Variants in GLIPR1L1 observed in about 807,000 individuals in gnomAD.
The protein encoded by GLIPR1L1 is GLIPR1 like 1.
GLIPR1L1 carries 26 observed loss-of-function variants against 29.9 expected under a neutral mutation model. The observed-to-expected ratio is 0.87, with a 90% CI of 0.64 to 1.21. The LOEUF (loss-of-function observed/expected upper bound fraction) is 1.21, where lower values mean the gene tolerates loss of function less well. Among genes scored for constraint, GLIPR1L1 ranks in the 50% most tolerant of loss-of-function variants. The pLI, the probability that GLIPR1L1 is intolerant of heterozygous loss-of-function variation, is 0.00. For synonymous variants in GLIPR1L1, 77 were observed against 97.5 expected (o/e 0.79, Z 1.24); for missense variants, 305 against 290.3 (o/e 1.05, Z -0.37).
chr12:75,355,383 T>TTGG, intron 3 of GLIPR1L1, among the ~76,000 whole-genome samples: 1 of 152,136 alleles, frequency 6.6e-6, no homozygotes, highest in African/African-American at 2.4e-5. Flanking sequence ...CTCAACATCA[T>TTGG]TGGTCATTAG....
intron 3 of GLIPR1L1, among the ~76,000 whole-genome samples, chr12:75,358,411 C>A (rs1237609471): frequency 2.6e-5 from 4 of 151,640 alleles, no homozygotes. Context: ...GAATGCAGGT[C>A]TCATTTTACA....
intron 3 of GLIPR1L1, among the ~76,000 whole-genome samples, chr12:75,352,045 C>CA (rs1322049792): frequency 2.8e-4 from 42 of 152,192 alleles, no homozygotes; most frequent in Admixed American, 1.1e-3. Context: ...CCAGTCACTA[C>CA]AAAAAACATG....
intron 1 of GLIPR1L1, among the ~76,000 whole-genome samples, chr12:75,339,025 C>A (rs529359287): frequency 6.6e-6 from 1 of 152,244 alleles, no homozygotes; most frequent in South Asian, 2.1e-4. Flanking sequence ...TGGGTTGATT[C>A]TATGTCTTTG....
chr12:75,353,816 A>G (rs181648368), intron 3 of GLIPR1L1, among the ~76,000 whole-genome samples: 1 of 152,308 alleles, frequency 6.6e-6, no homozygotes, highest in East Asian at 1.9e-4. Context: ...CTTCATCCCC[A>G]GGATGCAAGT....
chr12:75,342,835 TA>T (rs2042206504), intron 1 of GLIPR1L1, among the ~76,000 whole-genome samples: 1 of 152,124 alleles, frequency 6.6e-6, no homozygotes, highest in South Asian at 2.1e-4. Context: ...TTAAGTCTTT[TA>T]CAACTTCTTT....
At chr12:75,355,162 CA>C (rs1353894761) in intron 3 of GLIPR1L1, among the ~76,000 whole-genome samples, 2 of 152,102 alleles carry the variant, frequency 1.3e-5, no homozygotes, top group African/African-American at 4.8e-5. Flanking sequence ...TTCTACACAG[CA>C]AAAGAAACTA....
At position 75,338,620 on chromosome 12, in the gene GLIPR1L1, T is replaced by C. The variant is rs143510022; in HGVS notation, c.174+3718T>C. On this transcript the variant is annotated intron_variant, in intron 1 of 5. Coordinates refer to ENST00000378695, the MANE Select transcript of GLIPR1L1 (RefSeq NM_001304964.2). ...TTTTTTCAGTTTTTAAGTTCTGGGGTACATGTGCAGGATGTGCAGGTTTGT... is the reference window on the plus strand; with the variant it reads ...TTTTTTCAGTTTTTAAGTTCTGGGGCACATGTGCAGGATGTGCAGGTTTGT... Among the ~76,000 whole-genome samples the C allele has an allele frequency of 4.1e-3, 621 of 152,032 alleles. 2 individuals are homozygous for C. Among genetic ancestry groups the C allele is most frequent in the African/African-American group, 0.014 (595 of 41,434 alleles).
At chr12:75,356,945 A>T (rs531206026) in intron 3 of GLIPR1L1, among the ~76,000 whole-genome samples, 1 of 152,240 alleles carries the variant, frequency 6.6e-6, no homozygotes, top group East Asian at 1.9e-4. Flanking sequence ...CCAACAACTC[A>T]AGAGGCTGAT....
chr12:75,359,355 G>GTT (rs1463566931), intron 3 of GLIPR1L1, among the ~76,000 whole-genome samples: 9 of 46,428 alleles, frequency 1.9e-4, no homozygotes, highest in Non-Finnish European at 3.4e-4. Context: ...CAGCATTGTT[G>GTT]TCTTTTTTTT....
intron 3 of GLIPR1L1, among the ~76,000 whole-genome samples, chr12:75,359,680 C>T (rs1357754214): frequency 6.6e-6 from 1 of 152,008 alleles, no homozygotes; most frequent in Non-Finnish European, 1.5e-5. Context: ...TAGACTCACA[C>T]ATTGTTGACC....
At chr12:75,342,439 A>G (rs1447557317) in intron 1 of GLIPR1L1, among the ~76,000 whole-genome samples, 1 of 152,204 alleles carries the variant, frequency 6.6e-6, no homozygotes, top group East Asian at 1.9e-4. Flanking sequence ...TGAATTTATA[A>G]TTAGTTAAAA....
intron 3 of GLIPR1L1, among the ~76,000 whole-genome samples, chr12:75,351,809 A>G (rs2042834340): frequency 6.6e-6 from 1 of 152,206 alleles, no homozygotes; most frequent in African/African-American, 2.4e-5. Context: ...GGCCTCCCAA[A>G]GTGCTGGGAT....
chr12:75,357,430 T>C (rs2043224378), intron 3 of GLIPR1L1, among the ~76,000 whole-genome samples: 1 of 152,124 alleles, frequency 6.6e-6, no homozygotes, highest in Non-Finnish European at 1.5e-5. Flanking sequence ...GGTATTTCAA[T>C]TATCCCATTT....
chr12:75,363,308 A>G, intron 4 of GLIPR1L1, 118 bp downstream of exon 4: 1 of 425,988 alleles, frequency 2.3e-6, no homozygotes, highest in African/African-American at 2.1e-5. Context: ...GACTGTTGTT[A>G]TCTTACGATA....
chr12:75,349,587 T>C (rs1456961609), intron 3 of GLIPR1L1, among the ~76,000 whole-genome samples: 1 of 152,200 alleles, frequency 6.6e-6, no homozygotes, highest in Non-Finnish European at 1.5e-5. Context: ...TTATTATAAC[T>C]GTACTCTATA....
In GLIPR1L1 at chr12:75,355,965, C is replaced by T. The variant is rs1247883090; in HGVS notation, c.522-7137C>T. On this transcript the variant is annotated intron_variant, in intron 3 of 5. Transcript: ENST00000378695. ...GCCACACAAAGGGTAACAACACACACTGGGGCCTGTTGGGGGTAGGGTGGG... is the reference window on the plus strand; with the variant it reads ...GCCACACAAAGGGTAACAACACACATTGGGGCCTGTTGGGGGTAGGGTGGG... Among the ~76,000 whole-genome samples, 3 of 152,056 alleles carry T rather than the reference C, an allele frequency of 2.0e-5. No individual in the cohort carries two copies. In the East Asian group the frequency reaches 5.8e-4, roughly 29 times the overall value.
In GLIPR1L1 at chr12:75,370,416, A is replaced by G; in HGVS notation, c.*240A>G. On this transcript the variant is annotated 3_prime_UTR_variant, in exon 6 of 6. Coordinates refer to ENST00000378695, the MANE Select transcript of GLIPR1L1 (RefSeq NM_001304964.2). ...TCCATATGTGTATCAAAAGTGTTCC[A>G]CTCTTTAATTTTCTAATGAGAATGG... 1 of 310,780 alleles carries G rather than the reference A, an allele frequency of 3.2e-6. No individual in the cohort carries two copies. The highest frequency in any genetic ancestry group is 8.8e-5 in the South Asian group (1 of 11,386). The allele number at this position is 310,780 out of a possible 1,614,324, so 19.3% of individuals were successfully genotyped here.
intron 3 of GLIPR1L1, among the ~76,000 whole-genome samples, chr12:75,358,934 G>C (rs1342132662): frequency 1.4e-5 from 2 of 144,614 alleles, no homozygotes; most frequent in Admixed American, 1.4e-4. Context: ...GCATAAAACA[G>C]ATAAATATAT....
chr12:75,343,743 C>CA lies in GLIPR1L1; in HGVS notation c.228dup (p.Phe77IlefsTer2). 6.2e-7 allele frequency: 1 copy of CA among 1,612,094 alleles called. No homozygotes were observed. Among genetic ancestry groups the CA allele is most frequent in the South Asian group, 1.1e-5 (1 of 90,960 alleles). ...TGGCTAAAGCATGGGCAAACCAGTGCAAATTTGAACATAATGACTGTTTGG... is the reference window on the plus strand; with the variant it reads ...TGGCTAAAGCATGGGCAAACCAGTGCAAAATTTGAACATAATGACTGTTTGG... On this transcript the variant is annotated frameshift_variant, in exon 2 of 6. Coordinates refer to ENST00000378695, the MANE Select transcript of GLIPR1L1 (RefSeq NM_001304964.2). LOFTEE classifies it high-confidence loss of function.
Sources: allele counts gnomAD v4.1 joint callset (sites outside exome capture counted in the v4.1 genomes callset), GRCh38; gene constraint gnomAD v4.1.1; transcripts MANE v1.5; gene names NCBI Gene and HGNC (gene_info 2026-07-23, HGNC 2026-07-21).